GRK3: variants seen among roughly 807,000 people sequenced by gnomAD.
GRK3 encodes G protein-coupled receptor kinase 3.
GRK3 carries 54 observed loss-of-function variants against 95.7 expected under a neutral mutation model. That is an observed-to-expected ratio of 0.56 (90% CI 0.45 to 0.71). The LOEUF is 0.71. Ranked by LOEUF, GRK3 falls within the 30% of genes least tolerant of loss-of-function variation. The probability of loss-of-function intolerance (pLI) is 0.00; values close to 1 mark genes in which losing one functional copy is unlikely to be tolerated. For missense variants in GRK3, 649 were observed against 851.2 expected, an observed-to-expected ratio of 0.76 and a Z score of 2.96; for synonymous variants, 281 against 290.8, an observed-to-expected ratio of 0.97 and a Z score of 0.34.
At chr22:25,614,397 G>T (rs1447059301) in intron 2 of GRK3, among the ~76,000 whole-genome samples, 2 of 152,202 alleles carry the variant, frequency 1.3e-5, no homozygotes, top group African/African-American at 4.8e-5. Context: ...GCCTCCCAAA[G>T]TGTCGGGATT....
intron 13 of GRK3, among the ~76,000 whole-genome samples, chr22:25,696,133 C>A (rs903158066): frequency 6.6e-6 from 1 of 152,024 alleles, no homozygotes; most frequent in Non-Finnish European, 1.5e-5. Context: ...CCGCGTCCGG[C>A]CTACACCCAG....
At chr22:25,707,578 G>A (rs925870963) in intron 15 of GRK3, among the ~76,000 whole-genome samples, 5 of 152,182 alleles carry the variant, frequency 3.3e-5, no homozygotes, top group Admixed American at 3.3e-4. Flanking sequence ...GGAGGACGAG[G>A]TGCCACCTTA....
rs573466682 is a variant in GRK3 at position 25,640,650 on chromosome 22, A to G, written c.191-3942A>G. ...CTAATTTTTAGGAGATTTAATTTCA[A>G]ATTTTCTCATAGAAACCACTTATAT... On this transcript the variant is annotated intron_variant, in intron 2 of 20. Coordinates refer to ENST00000324198, the MANE Select transcript of GRK3 (RefSeq NM_005160.4). Among the ~76,000 whole-genome samples, 234 of 152,316 alleles carry G rather than the reference A, an allele frequency of 1.5e-3. 2 individuals carry two copies. The highest frequency in any genetic ancestry group is 7.6e-3 in the Admixed American group (117 of 15,304).
chr22:25,656,677 T>A (rs1275954656), intron 3 of GRK3, among the ~76,000 whole-genome samples: 1 of 152,134 alleles, frequency 6.6e-6, no homozygotes, highest in Non-Finnish European at 1.5e-5. Flanking sequence ...ACTGTTCAGA[T>A]GAACAGATAC....
chr22:25,703,500 A>G lies in GRK3; in HGVS notation c.1161-10A>G. 6.2e-7 allele frequency: 1 copy of G among 1,607,154 alleles called. No homozygotes were observed. Among genetic ancestry groups the G allele is most frequent in the Non-Finnish European group, 8.5e-7 (1 of 1,174,222 alleles). ...CCATATTTTGATAGAACAATTCTTT[A>G]TTTCTACAGTCACAGCCCTTTCAGA... On this transcript the variant is annotated splice_polypyrimidine_tract_variant and intron_variant, in intron 13 of 20. Coordinates refer to ENST00000324198, the MANE Select transcript of GRK3 (RefSeq NM_005160.4).
intron 9 of GRK3, among the ~76,000 whole-genome samples, chr22:25,684,883 G>A (rs139358293): frequency 3.3e-5 from 5 of 152,242 alleles, no homozygotes; most frequent in African/African-American, 1.2e-4. Flanking sequence ...AAAACCCACA[G>A]CATATATTGT....
At chr22:25,657,902 T>C (rs558704410) in intron 3 of GRK3, among the ~76,000 whole-genome samples, 1 of 152,276 alleles carries the variant, frequency 6.6e-6, no homozygotes, top group East Asian at 1.9e-4. Flanking sequence ...TTTCTTTAGA[T>C]TGGATACTTC....
At chr22:25,631,634 A>G (rs76713230) in intron 2 of GRK3, among the ~76,000 whole-genome samples, 3,408 of 152,316 alleles carry the variant, frequency 0.022, 61 homozygotes, top group Middle Eastern at 0.068. Context: ...AATTAGATCT[A>G]CAATTCTGTG....
chr22:25,688,098 TG>T (rs2085134613), intron 11 of GRK3, among the ~76,000 whole-genome samples: 1 of 151,684 alleles, frequency 6.6e-6, no homozygotes, highest in East Asian at 1.9e-4. Flanking sequence ...TAGCCGGGCG[TG>T]GTGGCAGGTG....
At chr22:25,688,270 C>G (rs959605415) in intron 11 of GRK3, among the ~76,000 whole-genome samples, 1 of 151,416 alleles carries the variant, frequency 6.6e-6, no homozygotes, top group African/African-American at 2.4e-5. Context: ...GTTTAGGAGC[C>G]CTTTTGGTGT....
chr22:25,603,014 T>TCAAGTGATTCTCCTGCCTC (rs2084419440), intron 1 of GRK3, among the ~76,000 whole-genome samples: 1 of 152,188 alleles, frequency 6.6e-6, no homozygotes, highest in Non-Finnish European at 1.5e-5. Flanking sequence ...CCTCCTGGGT[T>TCAAGTGATTCTCCTGCCTC]CAAGTGATTC....
At chr22:25,660,910 A>G (rs1311796583) in intron 3 of GRK3, among the ~76,000 whole-genome samples, 1 of 152,188 alleles carries the variant, frequency 6.6e-6, no homozygotes, top group Non-Finnish European at 1.5e-5. Flanking sequence ...TCTAAAGCAC[A>G]GTTTCATTAT....
intron 9 of GRK3, among the ~76,000 whole-genome samples, chr22:25,683,425 ACACT>A (rs1392726715): frequency 5.9e-5 from 9 of 152,216 alleles, no homozygotes; most frequent in Non-Finnish European, 1.2e-4. Context: ...CTTGCAAGTG[ACACT>A]CAGCCTTGGT....
intron 19 of GRK3, among the ~76,000 whole-genome samples, chr22:25,720,204 AC>A (rs1411720889): frequency 8.5e-5 from 13 of 152,194 alleles, no homozygotes; most frequent in African/African-American, 2.9e-4. Flanking sequence ...ACTTAAAAAA[AC>A]AAAACTTTTA....
chr22:25,579,827 A>AT (rs1053722207), intron 1 of GRK3, among the ~76,000 whole-genome samples: 3 of 151,566 alleles, frequency 2.0e-5, no homozygotes, highest in South Asian at 4.2e-4. Flanking sequence ...GAATGGCGAA[A>AT]TTTTAAAAAA....
intron 6 of GRK3, among the ~76,000 whole-genome samples, chr22:25,669,665 A>G (rs1267037107): frequency 6.6e-6 from 1 of 152,204 alleles, no homozygotes; most frequent in Non-Finnish European, 1.5e-5. Flanking sequence ...ATAGCACTCA[A>G]ATAACCCCCG....
At chr22:25,620,109 A>G (rs1455376012) in intron 2 of GRK3, among the ~76,000 whole-genome samples, 1 of 149,220 alleles carries the variant, frequency 6.7e-6, no homozygotes, top group African/African-American at 2.5e-5. Flanking sequence ...AGAAGGAAGA[A>G]GCTCCCCTGT....
intron 8 of GRK3, among the ~76,000 whole-genome samples, chr22:25,675,165 A>T (rs900070324): frequency 2.0e-5 from 3 of 152,178 alleles, no homozygotes; most frequent in African/African-American, 4.8e-5. Context: ...AGATCACATG[A>T]CAAAGAATTG....
At chr22:25,701,009 T>A (rs551806155) in intron 13 of GRK3, among the ~76,000 whole-genome samples, 2 of 152,370 alleles carry the variant, frequency 1.3e-5, no homozygotes, top group South Asian at 4.1e-4. Context: ...TTTCCCATCA[T>A]TTATAATGTC....
Sources: gnomAD v4.1 joint callset for allele counts (sites outside exome capture counted in the v4.1 genomes callset) on GRCh38, gnomAD v4.1.1 for gene constraint, MANE v1.5 for transcripts, NCBI Gene and HGNC (gene_info 2026-07-23, HGNC 2026-07-21) for gene names.